The following CPQ variants were observed in gnomAD, a reference collection of about 807,000 sequenced individuals.
The protein encoded by CPQ is Ser-Met dipeptidase.
A neutral mutation model predicts 45.7 loss-of-function variants in CPQ; 37 were observed. The ratio of observed to expected loss-of-function variants is 0.81; its 90% CI spans 0.62 to 1.07. The LOEUF (loss-of-function observed/expected upper bound fraction) is 1.07. Ranked by LOEUF, CPQ falls within the 50% of genes least tolerant of loss-of-function variation. The probability of loss-of-function intolerance (pLI) is 0.00; values close to 1 mark genes in which losing one functional copy is unlikely to be tolerated. For synonymous variants in CPQ, 186 were observed against 205.8 expected (o/e 0.90, Z 0.82); for missense variants, 537 against 572.9 (o/e 0.94, Z 0.64).
intron 4 of CPQ, among the ~76,000 whole-genome samples, chr8:96,944,997 C>T (rs985795588): frequency 3.3e-5 from 5 of 152,118 alleles, no homozygotes; most frequent in African/African-American, 9.7e-5. Context: ...ATCATGTCTC[C>T]GGGTGAAGTT....
chr8:96,976,605 T>A (rs1375280600), intron 5 of CPQ, among the ~76,000 whole-genome samples: 1 of 152,076 alleles, frequency 6.6e-6, no homozygotes, highest in East Asian at 1.9e-4. Context: ...AACTAAACTA[T>A]AAGGCCTTAG....
chr8:97,112,588 G>A (rs916731907), intron 7 of CPQ, among the ~76,000 whole-genome samples: 2 of 152,206 alleles, frequency 1.3e-5, no homozygotes, highest in African/African-American at 2.4e-5. Flanking sequence ...GGCCTTTCTT[G>A]TACGTTCTAA....
chr8:96,880,563 A>G (rs986726294), intron 4 of CPQ, among the ~76,000 whole-genome samples: 7 of 54,932 alleles, frequency 1.3e-4, no homozygotes, highest in Non-Finnish European at 2.2e-4. Context: ...ATATATATAT[A>G]TATATATATA....
intron 4 of CPQ, among the ~76,000 whole-genome samples, chr8:96,910,799 C>T (rs980710996): frequency 9.9e-5 from 15 of 152,068 alleles, no homozygotes; most frequent in South Asian, 2.1e-4. Flanking sequence ...CCACCGCGCC[C>T]GGCTGAAGTA....
At chr8:96,933,912 G>A (rs1813010584) in intron 4 of CPQ, among the ~76,000 whole-genome samples, 1 of 152,116 alleles carries the variant, frequency 6.6e-6, no homozygotes, top group African/African-American at 2.4e-5. Flanking sequence ...GCTTCTCTGT[G>A]CCTCATCTAT....
intron 7 of CPQ, among the ~76,000 whole-genome samples, chr8:97,111,868 C>A (rs1269723472): frequency 6.6e-6 from 1 of 152,208 alleles, no homozygotes; most frequent in Non-Finnish European, 1.5e-5. Context: ...TCTGTCAAAG[C>A]AAACCAGCAC....
At chr8:97,008,071 G>GA (rs1321992132) in intron 5 of CPQ, among the ~76,000 whole-genome samples, 1 of 152,030 alleles carries the variant, frequency 6.6e-6, no homozygotes, top group East Asian at 1.9e-4. Flanking sequence ...GTGGCTTCCT[G>GA]AACTATCGCC....
At chr8:96,823,307 A>G (rs1811334746) in intron 2 of CPQ, among the ~76,000 whole-genome samples, 1 of 152,070 alleles carries the variant, frequency 6.6e-6, no homozygotes, top group Non-Finnish European at 1.5e-5. Context: ...GGACTTTTGT[A>G]CATTATTGTA....
At chr8:97,106,933 A>G (rs533673094) in intron 7 of CPQ, among the ~76,000 whole-genome samples, 140 of 152,326 alleles carry the variant, frequency 9.2e-4, no homozygotes, top group African/African-American at 3.3e-3. Flanking sequence ...CTGCAGGAAT[A>G]TAAAGTAAAA....
chr8:97,034,570 A>G (rs1442992274), intron 6 of CPQ, among the ~76,000 whole-genome samples: 1 of 152,210 alleles, frequency 6.6e-6, no homozygotes, highest in East Asian at 1.9e-4. Flanking sequence ...TTTAATTAGC[A>G]TTTGGTAAAT....
intron 4 of CPQ, among the ~76,000 whole-genome samples, chr8:96,914,710 A>G (rs1812709354): frequency 6.6e-6 from 1 of 152,114 alleles, no homozygotes; most frequent in African/African-American, 2.4e-5. Context: ...GCTAATTTCA[A>G]ACCCAGTTTG....
intron 1 of CPQ, among the ~76,000 whole-genome samples, chr8:96,658,433 C>T (rs1815661805): frequency 6.6e-6 from 1 of 152,232 alleles, no homozygotes; most frequent in Non-Finnish European, 1.5e-5. Flanking sequence ...TCCATTTCTT[C>T]ATCCATAAAA....
chr8:97,069,327 A>G (rs569584776), intron 7 of CPQ, among the ~76,000 whole-genome samples: 3 of 152,108 alleles, frequency 2.0e-5, no homozygotes, highest in East Asian at 3.9e-4. Context: ...CTTGTCACCT[A>G]TTGAAAATTT....
intron 6 of CPQ, among the ~76,000 whole-genome samples, chr8:97,045,435 C>A (rs1346010956): frequency 6.6e-6 from 1 of 152,214 alleles, no homozygotes; most frequent in African/African-American, 2.4e-5. Context: ...ACCCCTTGTG[C>A]TTCCCGAGTG....
At chr8:97,020,289 AT>A (rs762610940) in intron 5 of CPQ, among the ~76,000 whole-genome samples, 9 of 152,134 alleles carry the variant, frequency 5.9e-5, no homozygotes, top group Admixed American at 1.3e-4. Flanking sequence ...AAGAGCACAA[AT>A]TGAGATTCTA....
At chr8:96,826,542 A>C (rs1811380717) in intron 2 of CPQ, among the ~76,000 whole-genome samples, 1 of 151,990 alleles carries the variant, frequency 6.6e-6, no homozygotes, top group Admixed American at 6.6e-5. Context: ...TTTTTACCCC[A>C]GAATGCAGAC....
chr8:96,724,230 G>A (rs913857741), intron 1 of CPQ, among the ~76,000 whole-genome samples: 11 of 151,910 alleles, frequency 7.2e-5, no homozygotes, highest in African/African-American at 2.7e-4. Flanking sequence ...TTAAAATTCA[G>A]TATTATACTG....
intron 7 of CPQ, among the ~76,000 whole-genome samples, chr8:97,105,322 CT>C (rs1811386348): frequency 6.6e-6 from 1 of 152,092 alleles, no homozygotes; most frequent in African/African-American, 2.4e-5. Context: ...AATATTTGTC[CT>C]TTTGTGACTG....
intron 1 of CPQ, among the ~76,000 whole-genome samples, chr8:96,718,759 C>A (rs759772534): frequency 4.2e-4 from 64 of 152,132 alleles, no homozygotes; most frequent in Non-Finnish European, 7.6e-4. Flanking sequence ...AATCCCTGAG[C>A]TAGACACAAA....
Sources: gnomAD v4.1 joint callset for allele counts (sites outside exome capture counted in the v4.1 genomes callset) on GRCh38, gnomAD v4.1.1 for gene constraint, MANE v1.5 for transcripts, NCBI Gene and HGNC (gene_info 2026-07-23, HGNC 2026-07-21) for gene names.